Variants in CUL4B observed in about 807,000 individuals in gnomAD.
CUL4B encodes cullin 4B.
A neutral mutation model predicts 69.2 loss-of-function variants in CUL4B; 1 was observed. The ratio of observed to expected loss-of-function variants is 0.01; its 90% CI spans 0.01 to 0.07. The LOEUF is 0.07. Ranked by LOEUF, CUL4B falls within the 10% of genes least tolerant of loss-of-function variation. CUL4B has a pLI of 1.00. For synonymous variants in CUL4B, 237 were observed against 223.2 expected, an observed-to-expected ratio of 1.06 and a Z score of -0.55; for missense variants, 328 against 638.8, an observed-to-expected ratio of 0.51 and a Z score of 5.24.
rs780536781 is a variant in CUL4B at position 120,525,601 on chromosome X, C to G, written c.*1160G>C. On this transcript the variant is annotated 3_prime_UTR_variant, in exon 20 of 20. Transcript: ENST00000371322. ...ATTTCAAGCAATTCTGAAAGGAAAA[C>G]CAGCATGACACAGAATCTCAAATTC... 13 of 111,450 alleles carry G rather than the reference C, an allele frequency of 1.2e-4. No individual in the cohort carries two copies. In the East Asian group the frequency reaches 2.8e-3, roughly 24 times the overall value. 9.2% of individuals were successfully genotyped at this position (111,450 alleles called of 1,213,427 possible).
At chrX:120,541,954 C>A (rs778328941) in intron 9 of CUL4B, among the ~76,000 whole-genome samples, 1 of 110,100 alleles carries the variant, frequency 9.1e-6, no homozygotes, top group Non-Finnish European at 1.9e-5. Context: ...ACAGGCCAGG[C>A]ACGGTGGCTC....
rs180977347 is a variant in CUL4B at position 120,557,623 on chromosome X, C to A, written c.672+301G>T. Among the ~76,000 whole-genome samples the A allele has an allele frequency of 6.2e-3, 696 of 111,734 alleles. 9 individuals are homozygous for A. The highest frequency in any genetic ancestry group is 0.021 in the African/African-American group (648 of 30,746). On this transcript the variant is annotated intron_variant, in intron 2 of 19. Coordinates refer to ENST00000371322, the MANE Select transcript of CUL4B (RefSeq NM_001079872.2). ...AATAGAATGACATGTCACCAGAAATCATCTTTGGGATTCATGCTATAGGAT... is the reference window on the plus strand; with the variant it reads ...AATAGAATGACATGTCACCAGAAATAATCTTTGGGATTCATGCTATAGGAT...
intron 11 of CUL4B, among the ~76,000 whole-genome samples, chrX:120,540,015 CTTTT>C (rs1006563497): frequency 1.8e-5 from 2 of 111,694 alleles, no homozygotes; most frequent in African/African-American, 6.5e-5. Flanking sequence ...TTGCCCTGGA[CTTTT>C]TTCTTTTTCA....
chrX:120,561,019 G>A (rs1388272297), upstream of CUL4B: 1 of 962,651 alleles, frequency 1.0e-6, no homozygotes, highest in African/African-American at 2.0e-5. Context: ...AGAGGCTGTG[G>A]TTGGGGGAAA....
At chrX:120,536,299 A>G (rs939080835) in intron 15 of CUL4B, among the ~76,000 whole-genome samples, 22 of 112,691 alleles carry the variant, frequency 2.0e-4, no homozygotes, top group Non-Finnish European at 3.0e-4. Context: ...AGCCTTTTCT[A>G]AAGTTCTGCC....
upstream of CUL4B, among the ~76,000 whole-genome samples, chrX:120,565,223 C>T (rs1925457489): frequency 9.1e-6 from 1 of 110,486 alleles, no homozygotes; most frequent in Non-Finnish European, 1.9e-5. Context: ...TATCTCATAC[C>T]AGTGGCTTGC....
intron 9 of CUL4B, 95 bp downstream of exon 9, chrX:120,542,871 A>G: frequency 1.6e-6 from 1 of 617,935 alleles, no homozygotes; most frequent in South Asian, 2.5e-5. Context: ...GCCACATGCT[A>G]TCAAACTTTT....
chrX:120,543,138 A>T (rs1300694376), intron 8 of CUL4B, 105 bp from the exon 9 acceptor site: 19 of 503,362 alleles, frequency 3.8e-5, no homozygotes. Context: ...TTTTATGTTG[A>T]TTTCAAGATT....
chrX:120,571,285 A>T (rs1925704423), exon 3 of CUL4B: 1 of 111,742 alleles, frequency 8.9e-6, no homozygotes, highest in Non-Finnish European at 1.9e-5. Context: ...GAAATTTTTA[A>T]AATTAAAAAA....
intron 19 of CUL4B, among the ~76,000 whole-genome samples, chrX:120,527,898 T>A (rs969940271): frequency 8.9e-6 from 1 of 112,197 alleles, no homozygotes; most frequent in Non-Finnish European, 1.9e-5. Context: ...TTTCTATTAC[T>A]TTTCTATTTT....
Sources: allele counts gnomAD v4.1 joint callset (sites outside exome capture counted in the v4.1 genomes callset), GRCh38; gene constraint gnomAD v4.1.1; transcripts MANE v1.5; gene names NCBI Gene and HGNC (gene_info 2026-07-23, HGNC 2026-07-21).